Variants in SYT1 observed in about 807,000 individuals in gnomAD.
The protein encoded by SYT1 is synaptotagmin 1, also known as synaptotagmin-1.
SYT1 carries 8 observed loss-of-function variants against 44.8 expected under a neutral mutation model. The ratio of observed to expected loss-of-function variants is 0.18; its 90% CI spans 0.10 to 0.32. The LOEUF is 0.32. SYT1 is among the 10% of genes least tolerant of loss of function. SYT1 has a pLI of 1.00. For missense variants in SYT1, 286 were observed against 509.3 expected (o/e 0.56, Z 4.22); for synonymous variants, 154 against 188.8 (o/e 0.82, Z 1.51).
At chr12:79,027,994 T>C (rs1285591553) in intron 2 of SYT1, among the ~76,000 whole-genome samples, 7 of 151,448 alleles carry the variant, frequency 4.6e-5, no homozygotes, top group African/African-American at 1.7e-4. Context: ...TATTATGGAC[T>C]GATAAAGATC....
chr12:79,106,829 G>C (rs939677671), intron 3 of SYT1, among the ~76,000 whole-genome samples: 3 of 151,944 alleles, frequency 2.0e-5, no homozygotes, highest in African/African-American at 7.2e-5. Context: ...TTATCACAAA[G>C]TCTTTTTTAT....
At chr12:78,888,229 T>A (rs1874854014) in intron 1 of SYT1, among the ~76,000 whole-genome samples, 2 of 151,858 alleles carry the variant, frequency 1.3e-5, no homozygotes, top group African/African-American at 4.8e-5. Flanking sequence ...AGATTACACA[T>A]ATAATTGTAT....
intron 2 of SYT1, among the ~76,000 whole-genome samples, chr12:78,996,586 T>C (rs1406396070): frequency 2.0e-5 from 3 of 152,164 alleles, no homozygotes; most frequent in African/African-American, 4.8e-5. Context: ...AAAGGCCACA[T>C]TGACACTGTT....
At chr12:79,332,188 C>G (rs1046672767) in intron 8 of SYT1, among the ~76,000 whole-genome samples, 7 of 152,102 alleles carry the variant, frequency 4.6e-5, no homozygotes, top group African/African-American at 1.7e-4. Flanking sequence ...CAAGATATAC[C>G]TATTTTCTTT....
intron 3 of SYT1, among the ~76,000 whole-genome samples, chr12:79,112,803 T>C (rs1334696339): frequency 6.6e-6 from 1 of 152,154 alleles, no homozygotes; most frequent in Admixed American, 6.5e-5. Context: ...ATTAGATTTG[T>C]TATTTCTTAG....
intron 9 of SYT1, among the ~76,000 whole-genome samples, chr12:79,416,182 T>C (rs554879165): frequency 1.3e-5 from 2 of 152,220 alleles, no homozygotes; most frequent in Non-Finnish European, 2.9e-5. Context: ...CTGACAGCAA[T>C]GCAGATAGAA....
At chr12:79,083,217 G>T (rs920758424) in intron 3 of SYT1, among the ~76,000 whole-genome samples, 1 of 152,074 alleles carries the variant, frequency 6.6e-6, no homozygotes, top group East Asian at 1.9e-4. Flanking sequence ...AATAAAGGAG[G>T]TTGATTGAAA....
chr12:78,923,162 G>A (rs1877103500), intron 1 of SYT1, among the ~76,000 whole-genome samples: 1 of 151,982 alleles, frequency 6.6e-6, no homozygotes, highest in Non-Finnish European at 1.5e-5. Flanking sequence ...TATTTATGCT[G>A]TCCAATATGG....
At chr12:79,250,682 C>G (rs1388425302) in intron 4 of SYT1, among the ~76,000 whole-genome samples, 1 of 152,090 alleles carries the variant, frequency 6.6e-6, no homozygotes. Flanking sequence ...AATGGATGAT[C>G]TATGAATTGT....
intron 4 of SYT1, among the ~76,000 whole-genome samples, chr12:79,282,887 G>A (rs959228229): frequency 1.3e-5 from 2 of 152,116 alleles, no homozygotes; most frequent in Non-Finnish European, 2.9e-5. Flanking sequence ...AGGTAGGTAG[G>A]TCTTCAATAA....
chr12:78,913,795 T>C (rs1280409719), intron 1 of SYT1, among the ~76,000 whole-genome samples: 1 of 151,908 alleles, frequency 6.6e-6, no homozygotes, highest in Non-Finnish European at 1.5e-5. Context: ...GTGATATAGA[T>C]GGTGAACAAA....
intron 1 of SYT1, among the ~76,000 whole-genome samples, chr12:78,869,458 A>T (rs1178014490): frequency 6.6e-6 from 1 of 152,020 alleles, no homozygotes; most frequent in African/African-American, 2.4e-5. Flanking sequence ...GTTTTATTAA[A>T]AAAGGAAAAC....
intron 4 of SYT1, among the ~76,000 whole-genome samples, chr12:79,270,334 T>C (rs1878353594): frequency 1.3e-5 from 2 of 152,230 alleles, no homozygotes; most frequent in Non-Finnish European, 2.9e-5. Context: ...AAATGAATAA[T>C]GCACACATTA....
intron 1 of SYT1, among the ~76,000 whole-genome samples, chr12:78,901,185 TTTTCATGAAGTG>T (rs778159549): frequency 2.0e-5 from 3 of 152,112 alleles, no homozygotes; most frequent in Non-Finnish European, 4.4e-5. Flanking sequence ...GTCATGAAAT[TTTTCATGAAGTG>T]TATCATGAAA....
At chr12:79,129,906 A>G (rs1309798417) in intron 3 of SYT1, among the ~76,000 whole-genome samples, 3 of 152,316 alleles carry the variant, frequency 2.0e-5, no homozygotes, top group South Asian at 2.1e-4. Context: ...TATTATAAAC[A>G]TTTACAGAGA....
intron 1 of SYT1, among the ~76,000 whole-genome samples, chr12:78,906,568 C>T (rs1875993533): frequency 6.6e-6 from 1 of 152,090 alleles, no homozygotes; most frequent in African/African-American, 2.4e-5. Flanking sequence ...CATGAGTTGT[C>T]TGTGGGCCAC....
intron 9 of SYT1, among the ~76,000 whole-genome samples, chr12:79,384,410 A>G (rs2136079134): frequency 6.6e-6 from 1 of 152,320 alleles, no homozygotes; most frequent in African/African-American, 2.4e-5. Flanking sequence ...GACTATTTGA[A>G]CAGTTTAGTA....
At chr12:79,168,679 T>C (rs1253367991) in intron 3 of SYT1, among the ~76,000 whole-genome samples, 1 of 152,062 alleles carries the variant, frequency 6.6e-6, no homozygotes, top group African/African-American at 2.4e-5. Flanking sequence ...AAATTCTTGC[T>C]CTTGGACATA....
At position 79,078,816 on chromosome 12, in the gene SYT1, G is replaced by T. The variant is rs56306592; in HGVS notation, c.-18+31454G>T. 9.0e-3 allele frequency among the ~76,000 whole-genome samples: 1,373 copies of T among 152,220 alleles called. 26 individuals carry two copies. The highest frequency in any genetic ancestry group is 0.031 in the African/African-American group (1,286 of 41,544). On this transcript the variant is annotated intron_variant, in intron 3 of 10. Transcript: ENST00000261205. ...TACACACACACAGAAAGAAACGGGAGCGTTATTTCCTGGTTTAGAGTTTCA... is the reference window on the plus strand; with the variant it reads ...TACACACACACAGAAAGAAACGGGATCGTTATTTCCTGGTTTAGAGTTTCA...
Sources: allele counts gnomAD v4.1 joint callset (sites outside exome capture counted in the v4.1 genomes callset), GRCh38; gene constraint gnomAD v4.1.1; transcripts MANE v1.5; gene names NCBI Gene and HGNC (gene_info 2026-07-23, HGNC 2026-07-21).